The following ADTRP variants were observed in gnomAD, a reference collection of about 807,000 sequenced individuals.
ADTRP encodes the protein androgen dependent TFPI regulating protein.
In ADTRP, 20 loss-of-function variants were observed where a neutral mutation model predicts 27.0. That is an observed-to-expected ratio of 0.74 (90% confidence interval 0.52 to 1.08). The LOEUF is 1.08. Among genes scored for constraint, ADTRP ranks in the 50% least tolerant of loss-of-function variants. The pLI, the probability that ADTRP is intolerant of heterozygous loss-of-function variation, is 0.00. For missense variants in ADTRP, 251 were observed against 275.0 expected (o/e 0.91, Z 0.62); for synonymous variants, 101 against 105.2 (o/e 0.96, Z 0.25).
At chr6:11,776,875 G>C (rs905204226) in intron 1 of ADTRP, among the ~76,000 whole-genome samples, 1 of 152,148 alleles carries the variant, frequency 6.6e-6, no homozygotes, top group African/African-American at 2.4e-5. Flanking sequence ...TTTCCTGAGC[G>C]GCAGGCCACA....
chr6:11,725,959 T>C (rs1762182612), intron 4 of ADTRP, among the ~76,000 whole-genome samples: 1 of 150,270 alleles, frequency 6.7e-6, no homozygotes, highest in Admixed American at 6.6e-5. Flanking sequence ...TACACCCATG[T>C]TTATAGCAGC....
chr6:11,715,050 G>T lies in ADTRP; in HGVS notation c.659-538C>A, dbSNP rs117076268. Among the ~76,000 whole-genome samples, 71 of 152,320 alleles carry T rather than the reference G, an allele frequency of 4.7e-4. No individual in the cohort carries two copies. The East Asian group carries it at 0.011, about 24-fold the overall frequency. On this transcript the variant is annotated intron_variant, in intron 5 of 5. Transcript: ENST00000414691. ...CTACTGAAATTATAGCATTAGATTT[G>T]TAGAATGACTTCTATTCAGCCAACA...
At chr6:11,717,450 A>T (rs1561737462) in intron 5 of ADTRP, 3 of 1,302,440 alleles carry the variant, frequency 2.3e-6, no homozygotes, top group Non-Finnish European at 3.0e-6. Flanking sequence ...GTTTCAATCA[A>T]CATCACCATA....
intron 2 of ADTRP, 32 bp from the exon 3 acceptor site, chr6:11,766,407 T>G: frequency 6.6e-7 from 1 of 1,515,462 alleles, no homozygotes; most frequent in Non-Finnish European, 9.1e-7. Context: ...ATAGCATCAT[T>G]AGGCTTGTTT....
intron 4 of ADTRP, among the ~76,000 whole-genome samples, chr6:11,726,802 A>C (rs779726294): frequency 1.4e-4 from 22 of 152,154 alleles, no homozygotes; most frequent in Admixed American, 5.2e-4. Flanking sequence ...AATCACTTAA[A>C]ATCGTTAAAG....
At chr6:11,738,688 A>G (rs1430595328) in intron 3 of ADTRP, 1 of 152,242 alleles carries the variant, frequency 6.6e-6, no homozygotes, top group Non-Finnish European at 1.5e-5. Flanking sequence ...TGCTTTTATA[A>G]CAAACAACTC....
At chr6:11,725,942 A>C (rs1186723007) in intron 4 of ADTRP, among the ~76,000 whole-genome samples, 1 of 150,948 alleles carries the variant, frequency 6.6e-6, no homozygotes, top group African/African-American at 2.4e-5. Context: ...ATCTGAAGAG[A>C]TATTTGTACA....
At chr6:11,732,999 G>C (rs1201335887) in intron 4 of ADTRP, among the ~76,000 whole-genome samples, 1 of 152,172 alleles carries the variant, frequency 6.6e-6, no homozygotes, top group East Asian at 1.9e-4. Context: ...GTTTTAGTTG[G>C]CTCAAGTACC....
chr6:11,725,044 T>C (rs1401568650), intron 4 of ADTRP, among the ~76,000 whole-genome samples: 3 of 152,250 alleles, frequency 2.0e-5, no homozygotes, highest in Non-Finnish European at 2.9e-5. Flanking sequence ...AATGAAATTC[T>C]GTGCTTAAAC....
intron 1 of ADTRP, among the ~76,000 whole-genome samples, chr6:11,777,751 C>T (rs1471504363): frequency 1.3e-5 from 2 of 152,036 alleles, no homozygotes; most frequent in Non-Finnish European, 2.9e-5. Flanking sequence ...TTCAGAGTGT[C>T]ACAGTTTCTG....
chr6:11,714,167 T>C lies in ADTRP; in HGVS notation c.*311A>G. The C allele has an allele frequency of 2.8e-6, 1 of 352,630 alleles. No homozygotes were observed. Among genetic ancestry groups the C allele is most frequent in the Non-Finnish European group, 5.2e-6 (1 of 192,128 alleles). The allele number at this position is 352,630 out of a possible 1,614,324, so 21.8% of individuals were successfully genotyped here. On this transcript the variant is annotated 3_prime_UTR_variant, in exon 6 of 6. Transcript: ENST00000414691. ...AGTTCCTCTCTCTCTCTCTAGATGT[T>C]CTCTAACACCAAGTTTATGTGAGTT... is the stretch of plus-strand genomic sequence containing the variant.
At chr6:11,756,030 C>T (rs1301344303) in intron 3 of ADTRP, among the ~76,000 whole-genome samples, 2 of 152,204 alleles carry the variant, frequency 1.3e-5, no homozygotes, top group African/African-American at 4.8e-5. Context: ...CATGTTTTCT[C>T]TTTCTCATGT....
At chr6:11,715,125 A>G (rs1561735467) in intron 5 of ADTRP, among the ~76,000 whole-genome samples, 2 of 152,214 alleles carry the variant, frequency 1.3e-5, no homozygotes, top group East Asian at 3.8e-4. Context: ...AAGCTCTGCA[A>G]TTTGTGAAAT....
intron 3 of ADTRP, among the ~76,000 whole-genome samples, chr6:11,756,960 C>T (rs1479452246): frequency 1.3e-5 from 2 of 152,166 alleles, no homozygotes; most frequent in African/African-American, 4.8e-5. Context: ...TGAATTAGGG[C>T]TCACTATTTG....
chr6:11,745,728 C>T (rs918196296), intron 3 of ADTRP, among the ~76,000 whole-genome samples: 4 of 152,112 alleles, frequency 2.6e-5, no homozygotes, highest in Non-Finnish European at 5.9e-5. Flanking sequence ...AATTTTAATT[C>T]CCTATTATTA....
chr6:11,777,035 G>A lies in ADTRP; in HGVS notation c.153+1572C>T, dbSNP rs576640654. Among the ~76,000 whole-genome samples the A allele has an allele frequency of 2.0e-5, 3 of 152,354 alleles. No homozygotes were observed. In the East Asian group the frequency reaches 5.8e-4, roughly 29 times the overall value. On this transcript the variant is annotated intron_variant, in intron 1 of 5. Coordinates refer to ENST00000414691, the MANE Select transcript of ADTRP (RefSeq NM_032744.4). ...GGTAGGCTTAATATAAGCCTGGAAT[G>A]AGAGAGACAGTAGTAAGGTTGAAGA...
At chr6:11,731,795 C>T (rs924363754) in intron 4 of ADTRP, among the ~76,000 whole-genome samples, 4 of 152,078 alleles carry the variant, frequency 2.6e-5, no homozygotes, top group African/African-American at 9.7e-5. Flanking sequence ...CCATCTTCTG[C>T]ACTTATAATT....
intron 5 of ADTRP, among the ~76,000 whole-genome samples, chr6:11,722,648 GGA>G (rs1439243059): frequency 6.6e-6 from 1 of 152,096 alleles, no homozygotes; most frequent in Non-Finnish European, 1.5e-5. Flanking sequence ...GGTGGGGTGG[GGA>G]GAGAGGAAGC....
At position 11,714,333 on chromosome 6, in the gene ADTRP, C is replaced by T. The variant is rs1313278413; in HGVS notation, c.*145G>A. On this transcript the variant is annotated 3_prime_UTR_variant, in exon 6 of 6. Transcript: ENST00000414691. The stretch of plus-strand genomic sequence containing the variant: ...TCTCAAGTTAAGCTACCTTCACGAA[C>T]CTCTTATTAAATTTAAGTATCACTC... The T allele has an allele frequency of 6.6e-6, 6 of 913,840 alleles. No homozygotes were observed. The highest frequency in any genetic ancestry group is 8.2e-6 in the Non-Finnish European group (5 of 610,190). 56.6% of individuals were successfully genotyped at this position (913,840 alleles called of 1,614,324 possible).
Sources: gnomAD v4.1 joint callset for allele counts (sites outside exome capture counted in the v4.1 genomes callset) on GRCh38, gnomAD v4.1.1 for gene constraint, MANE v1.5 for transcripts, NCBI Gene and HGNC (gene_info 2026-07-23, HGNC 2026-07-21) for gene names.